Variants in PROKR2 observed in about 807,000 individuals in gnomAD.
PROKR2 encodes the protein prokineticin receptor 2, also known as G protein-coupled receptor 73-like 1.
In PROKR2, 26 loss-of-function variants were observed where a neutral mutation model predicts 23.4. The observed-to-expected ratio is 1.11, with a 90% CI of 0.81 to 1.54. The LOEUF (loss-of-function observed/expected upper bound fraction) is 1.54, where lower values mean the gene tolerates loss of function less well. Among genes scored for constraint, PROKR2 ranks in the 40% most tolerant of loss-of-function variants. The pLI is 0.00. For missense variants in PROKR2, 453 were observed against 511.5 expected, an observed-to-expected ratio of 0.89 and a Z score of 1.10; for synonymous variants, 212 against 201.2, an observed-to-expected ratio of 1.05 and a Z score of -0.45.
rs1480300089 is a variant in PROKR2, at chr20:5,299,532, T to TG, written c.*2507_*2508insC. ...ACTTGCTTGGCTTTGAAATGCATTA[T>TG]TACACAATGCATTTCAAAGCCAAGC... On this transcript the variant is annotated 3_prime_UTR_variant, in exon 3 of 3. Coordinates refer to ENST00000678254, the MANE Select transcript of PROKR2 (RefSeq NM_144773.4). 3.2e-3 allele frequency among the ~76,000 whole-genome samples: 484 copies of TG among 151,570 alleles called. No individual in the cohort carries two copies. Among genetic ancestry groups the TG allele is most frequent in the African/African-American group, 0.011 (455 of 41,506 alleles).
At chr20:5,306,692 G>A (rs1002037363) in intron 2 of PROKR2, among the ~76,000 whole-genome samples, 2 of 152,108 alleles carry the variant, frequency 1.3e-5, no homozygotes, top group Admixed American at 1.3e-4. Flanking sequence ...TTCATACATG[G>A]TTCATTCCAC....
chr20:5,312,965 C>T (rs6053296), intron 2 of PROKR2, among the ~76,000 whole-genome samples: 77,639 of 152,048 alleles, frequency 0.51, 20,124 homozygotes, highest in African/African-American at 0.61. Context: ...AATATAATTA[C>T]CACAATTTAT....
chr20:5,314,418 G>T lies in PROKR2; in HGVS notation c.-8-41C>A, dbSNP rs117050345. 6,420 of 1,432,032 alleles carry T rather than the reference G, an allele frequency of 4.5e-3. 32 individuals carry two copies. The highest frequency in any genetic ancestry group is 5.1e-3 in the Non-Finnish European group (5,206 of 1,016,622). 88.7% of individuals were successfully genotyped at this position (1,432,032 alleles called of 1,614,324 possible). On this transcript the variant is annotated intron_variant, in intron 1 of 2. Coordinates refer to ENST00000678254, the MANE Select transcript of PROKR2 (RefSeq NM_144773.4). ...TGTGAGGGAGGTGCGAGGGGTGAGG[G>T]TCCAGACCTTCTGCTCTTTCAGGGT...
At position 5,314,326 on chromosome 20, in the gene PROKR2, T is replaced by G; in HGVS notation, c.44A>C (p.Asn15Thr). 1 of 1,613,980 alleles carries G rather than the reference T, an allele frequency of 6.2e-7. No individual in the cohort carries two copies. Among genetic ancestry groups the G allele is most frequent in the Non-Finnish European group, 8.5e-7 (1 of 1,180,010 alleles). ...GGAGGAGGCATGGTCTTGGGGTGGA[T>G]TAAAGTTGGGTGTGAAACTGGTGTT... ...NGNTSFTPNF[N>T]PPQDHASSLS... Residue 15 changes from asparagine (N) to threonine (T), a missense_variant, in exon 2 of 3, where the codon AAT becomes ACT. Transcript: ENST00000678254.
chr20:5,303,974 G>C (rs989742047), intron 2 of PROKR2, among the ~76,000 whole-genome samples: 1 of 152,090 alleles, frequency 6.6e-6, no homozygotes, highest in African/African-American at 2.4e-5. Flanking sequence ...AGAGTATAAC[G>C]AAGTAACAGA....
At chr20:5,308,709 A>G (rs1969704) in intron 2 of PROKR2, among the ~76,000 whole-genome samples, 112,102 of 152,014 alleles carry the variant, frequency 0.74, 41,457 homozygotes, top group African/African-American at 0.8. Flanking sequence ...AGCTGGTCTC[A>G]GCAGCTGCCT....
At chr20:5,311,153 C>A (rs1288725333) in intron 2 of PROKR2, among the ~76,000 whole-genome samples, 1 of 152,156 alleles carries the variant, frequency 6.6e-6, no homozygotes, top group East Asian at 1.9e-4. Context: ...TCAGGAGCCC[C>A]CGGGGAGTGA....
intron 2 of PROKR2, among the ~76,000 whole-genome samples, chr20:5,305,341 C>T (rs1339317893): frequency 6.6e-6 from 1 of 152,216 alleles, no homozygotes; most frequent in Non-Finnish European, 1.5e-5. Context: ...CTGGGGAACC[C>T]CCGCAAAAGG....
chr20:5,315,911 G>A (rs1371480196), intron 1 of PROKR2: 2 of 456,388 alleles, frequency 4.4e-6, no homozygotes, highest in Non-Finnish European at 8.8e-6. Context: ...CCCGGGCTGG[G>A]ACAGGTCCCA....
intron 1 of PROKR2, 91 bp from the exon 2 acceptor site, chr20:5,314,468 A>G (rs1979580519): frequency 9.6e-7 from 1 of 1,042,074 alleles, no homozygotes; most frequent in Admixed American, 1.9e-5. Flanking sequence ...CCCTGCCCAC[A>G]TCCTTGGGGA....
chr20:5,302,425 C>T lies in PROKR2; in HGVS notation c.770G>A (p.Gly257Glu), dbSNP rs772347118. 75 of 1,614,084 alleles carry T rather than the reference C, an allele frequency of 4.6e-5. No individual in the cohort carries two copies. The highest frequency in any genetic ancestry group is 5.8e-5 in the Non-Finnish European group (69 of 1,180,044). ...CTTGCGAATCTGCTCCGTCTGGAAC[C>T]CAGGGACTGCCTTGAACCAGAGCTC... is the stretch of plus-strand genomic sequence containing the variant. ...SRELWFKAVPGFQTEQIRKRL... is the reference protein window; with the variant it reads ...SRELWFKAVPEFQTEQIRKRL... Residue 257 changes from glycine (G) to glutamate (E), a missense_variant, in exon 3 of 3, where the codon GGG (glycine) becomes GAG (glutamate). By Grantham distance (98) the Gly-to-Glu change is moderately conservative. Transcript: ENST00000678254.
intron 2 of PROKR2, among the ~76,000 whole-genome samples, chr20:5,305,811 G>A (rs900278467): frequency 6.6e-6 from 1 of 152,170 alleles, no homozygotes; most frequent in African/African-American, 2.4e-5. Flanking sequence ...TAAAGCCCCT[G>A]AAGTATATAA....
rs761237584 is a variant in PROKR2, at chr20:5,302,351, T to C, written c.844A>G (p.Thr282Ala). 13 of 1,614,048 alleles carry C rather than the reference T, an allele frequency of 8.1e-6. No homozygotes were observed. The highest frequency in any genetic ancestry group is 8.5e-7 in the Non-Finnish European group (1 of 1,180,032). Residue 282 changes from threonine to alanine, a missense_variant, in exon 3 of 3, where the codon ACG becomes GCG. Transcript: ENST00000678254. ...KTVLVLMCILTAYVLCWAPFY... is the reference protein window; with the variant it reads ...KTVLVLMCILAAYVLCWAPFY... ...GGTGCCCAGCACAGCACATAGGCCG[T>C]GAGAATGCACATGAGCACCAGGACC... is the stretch of plus-strand genomic sequence containing the variant.
chr20:5,308,967 A>C (rs770468398), intron 2 of PROKR2, among the ~76,000 whole-genome samples: 1 of 110,034 alleles, frequency 9.1e-6, no homozygotes, highest in African/African-American at 4.0e-5. Context: ...CTTTCTGAAG[A>C]TCTAGGATGA....
chr20:5,303,108 G>A (rs553747244), intron 2 of PROKR2, among the ~76,000 whole-genome samples: 1 of 152,220 alleles, frequency 6.6e-6, no homozygotes, highest in Non-Finnish European at 1.5e-5. Context: ...AATGCTTTGT[G>A]TATAGTAGGC....
At chr20:5,311,438 G>A (rs1000430808) in intron 2 of PROKR2, among the ~76,000 whole-genome samples, 2 of 152,164 alleles carry the variant, frequency 1.3e-5, no homozygotes, top group African/African-American at 4.8e-5. Flanking sequence ...GTTGTAACAA[G>A]GTGATTGCTT....
intron 2 of PROKR2, among the ~76,000 whole-genome samples, chr20:5,307,320 G>A (rs551726790): frequency 2.0e-5 from 3 of 152,226 alleles, no homozygotes; most frequent in Admixed American, 6.5e-5. Context: ...CTTCAACAAC[G>A]GCTGACACAG....
In PROKR2 at chr20:5,300,951, T is replaced by G. The variant is rs1978961956; in HGVS notation, c.*1089A>C. ...AAAATGATAAGCTTTCAAGCATCAGTGGGAAAGTGATTTTTAGGTTCTTTC... is the reference window on the plus strand; with the variant it reads ...AAAATGATAAGCTTTCAAGCATCAGGGGGAAAGTGATTTTTAGGTTCTTTC... On this transcript the variant is annotated 3_prime_UTR_variant, in exon 3 of 3. Coordinates refer to ENST00000678254, the MANE Select transcript of PROKR2 (RefSeq NM_144773.4). Among the ~76,000 whole-genome samples, 1 of 152,238 alleles carries G rather than the reference T, an allele frequency of 6.6e-6. No homozygotes were observed. The highest frequency in any genetic ancestry group is 1.5e-5 in the Non-Finnish European group (1 of 68,044).
rs267606007 is a variant in PROKR2 at position 5,314,276 on chromosome 20, C to A, written c.94G>T (p.Asp32Tyr). 6.2e-7 allele frequency: 1 copy of A among 1,614,086 alleles called. No individual in the cohort carries two copies. The change falls in exon 2 of 3, where the codon GAT becomes TAT. Residue 32 changes from aspartate (D) to tyrosine (Y), a missense_variant. Coordinates refer to ENST00000678254, the MANE Select transcript of PROKR2 (RefSeq NM_144773.4). ...TCCTCATCCATAGGGAGGTCATAAT[C>A]ACCATAACTGAAGTTAAAGGAGAGG... ...SSLSFNFSYGDYDLPMDEDED... is the reference protein window; with the variant it reads ...SSLSFNFSYGYYDLPMDEDED...
Sources: gnomAD v4.1 joint callset for allele counts (sites outside exome capture counted in the v4.1 genomes callset) on GRCh38, gnomAD v4.1.1 for gene constraint, MANE v1.5 for transcripts, NCBI Gene and HGNC (gene_info 2026-07-23, HGNC 2026-07-21) for gene names.